Variants in CPNE3 observed in about 807,000 individuals in gnomAD.
CPNE3 encodes copine 3, also known as copine-3.
CPNE3 carries 68 observed loss-of-function variants against 63.9 expected under a neutral mutation model. That is an observed-to-expected ratio of 1.06 (90% CI 0.87 to 1.30). CPNE3 has a LOEUF of 1.30. CPNE3 is among the 50% of genes most tolerant of loss of function. The pLI, the probability that CPNE3 is intolerant of heterozygous loss-of-function variation, is 0.00. For synonymous variants in CPNE3, 219 were observed against 197.5 expected, an observed-to-expected ratio of 1.11 and a Z score of -0.91; for missense variants, 665 against 578.1, an observed-to-expected ratio of 1.15 and a Z score of -1.54.
rs531629272 is a variant in CPNE3, at chr8:86,540,248, G to C, written c.547G>C (p.Val183Leu). Residue 183 changes from valine (V) to leucine (L), a missense_variant, in exon 8 of 17, where the codon GTT (valine) becomes CTT (leucine). Transcript: ENST00000517490. ...NWLMVHRTEVVKNNLNPVWRP... is the reference protein window; with the variant it reads ...NWLMVHRTEVLKNNLNPVWRP... Reference sequence around the variant, plus strand: ...TTTTGAAACCACATTTTTATAGGTTGTTAAAAACAACTTGAATCCTGTTTG... The same window carrying C: ...TTTTGAAACCACATTTTTATAGGTTCTTAAAAACAACTTGAATCCTGTTTG... 5.6e-6 allele frequency: 9 copies of C among 1,604,530 alleles called. No homozygotes were observed. The highest frequency in any genetic ancestry group is 5.4e-5 in the African/African-American group (4 of 74,668).
Position 86,558,427 on chromosome 8 carries a change from C to A in CPNE3, c.*17C>A, listed in dbSNP as rs1468854414. 2.3e-6 allele frequency: 2 copies of A among 872,770 alleles called. No individual in the cohort carries two copies. The highest frequency in any genetic ancestry group is 4.0e-6 in the Non-Finnish European group (2 of 501,518). The allele number at this position is 872,770 out of a possible 1,614,324, so 54.1% of individuals were successfully genotyped here. ...AAGCAGTGACCACTTCAACAGAATT[C>A]TTTTGTGTTATGTGGAGCAATGCCA... On this transcript the variant is annotated 3_prime_UTR_variant, in exon 17 of 17. Transcript: ENST00000517490.
At chr8:86,547,595 C>CTTTTAAA (rs1821080910) in intron 10 of CPNE3, 116 bp from the exon 11 acceptor site, 2 of 642,696 alleles carry the variant, frequency 3.1e-6, no homozygotes, top group East Asian at 5.8e-5. Context: ...GGGTAATTTC[C>CTTTTAAA]ATGTTTATAT....
rs1442355185 is a variant in CPNE3, at chr8:86,559,765, A to G, written c.*1355A>G. On this transcript the variant is annotated 3_prime_UTR_variant, in exon 17 of 17. Coordinates refer to ENST00000517490, the MANE Select transcript of CPNE3 (RefSeq NM_003909.5). ...AGGGCCTATGTGCTAAAAACTATGC[A>G]TATCTATATATTGGCCAATTATCTT... The G allele has an allele frequency of 2.0e-5, 3 of 152,202 alleles. No individual in the cohort carries two copies. The highest frequency in any genetic ancestry group is 7.2e-5 in the African/African-American group (3 of 41,440). 9.4% of individuals were successfully genotyped at this position (152,202 alleles called of 1,614,324 possible).
chr8:86,537,966 G>GTCTCTC (rs72165946), intron 7 of CPNE3, among the ~76,000 whole-genome samples: 1 of 142,868 alleles, frequency 7.0e-6, no homozygotes, highest in African/African-American at 2.5e-5. Context: ...GTCCCTCTCT[G>GTCTCTC]TCTCTCTCTC....
intron 7 of CPNE3, among the ~76,000 whole-genome samples, chr8:86,538,268 A>G (rs553388580): frequency 1.3e-5 from 2 of 152,246 alleles, no homozygotes; most frequent in East Asian, 3.9e-4. Context: ...CCAGCTACTC[A>G]GGAAACTGAG....
chr8:86,535,616 C>T (rs1308668405), intron 6 of CPNE3, among the ~76,000 whole-genome samples: 1 of 151,848 alleles, frequency 6.6e-6, no homozygotes. Context: ...TACAGTGAGC[C>T]GGGATCGTAC....
At chr8:86,531,579 C>A (rs2131448276) in intron 5 of CPNE3, among the ~76,000 whole-genome samples, 1 of 152,124 alleles carries the variant, frequency 6.6e-6, no homozygotes, top group Non-Finnish European at 1.5e-5. Flanking sequence ...GGAACATAGT[C>A]CTCTCAACAT....
intron 14 of CPNE3, among the ~76,000 whole-genome samples, chr8:86,553,558 A>G (rs1413065518): frequency 6.6e-6 from 1 of 152,188 alleles, no homozygotes; most frequent in Non-Finnish European, 1.5e-5. Context: ...TAGGAGTAAT[A>G]GGCTATACCA....
chr8:86,527,725 T>TG (rs1247949523), intron 2 of CPNE3, among the ~76,000 whole-genome samples: 1 of 151,874 alleles, frequency 6.6e-6, no homozygotes. Flanking sequence ...TATTGGGAGC[T>TG]GGGGGTAGAG....
intron 10 of CPNE3, 90 bp from the exon 11 acceptor site, chr8:86,547,621 T>C (rs1821081961): frequency 1.4e-6 from 1 of 706,880 alleles, no homozygotes; most frequent in South Asian, 1.6e-5. Context: ...CCTGTTCAAT[T>C]TACAGACTTT....
intron 2 of CPNE3, among the ~76,000 whole-genome samples, chr8:86,520,966 G>A (rs1404632439): frequency 6.6e-6 from 1 of 151,906 alleles, no homozygotes; most frequent in African/African-American, 2.4e-5. Flanking sequence ...TTTGTTTTAT[G>A]TATATTTATG....
chr8:86,556,006 GA>G, intron 15 of CPNE3, 95 bp from the exon 16 acceptor site: 1 of 744,448 alleles, frequency 1.3e-6, no homozygotes. Flanking sequence ...GACTGGCAAG[GA>G]AAATGAACAA....
At position 86,528,669 on chromosome 8, in the gene CPNE3, T is replaced by C; in HGVS notation, c.124T>C (p.Trp42Arg). The C allele has an allele frequency of 1.9e-6, 3 of 1,611,582 alleles. No homozygotes were observed. Among genetic ancestry groups the C allele is most frequent in the South Asian group, 1.1e-5 (1 of 90,638 alleles). Residue 42 changes from tryptophan to arginine, a missense_variant, in exon 3 of 17, where the codon TGG (tryptophan) becomes CGG (arginine). By Grantham distance (101) the Trp-to-Arg change is moderately radical (BLOSUM62 -3). Transcript: ENST00000517490. Reference protein sequence around the residue: ...VLFLNTSGQQWYEVERTERIK... With the variant: ...VLFLNTSGQQRYEVERTERIK... The stretch of plus-strand genomic sequence containing the variant: ...GTTTTTGAATACAAGTGGTCAACAG[T>C]GGTATGAGGTAATGTCAAATACTTT...
chr8:86,551,701 T>G (rs1204784402), intron 14 of CPNE3, among the ~76,000 whole-genome samples: 1 of 152,248 alleles, frequency 6.6e-6, no homozygotes, highest in African/African-American at 2.4e-5. Context: ...TACTTGTTGC[T>G]CACACAGTAT....
chr8:86,547,422 C>T (rs1821076100), intron 10 of CPNE3: 2 of 269,716 alleles, frequency 7.4e-6, no homozygotes, highest in East Asian at 9.1e-5. Flanking sequence ...TTTTTAAAGC[C>T]CTCAACATAT....
chr8:86,522,497 G>A (rs1820455396), intron 2 of CPNE3, among the ~76,000 whole-genome samples: 1 of 147,350 alleles, frequency 6.8e-6, no homozygotes, highest in African/African-American at 2.5e-5. Context: ...TGGGAACTCT[G>A]AGGAGCATAG....
chr8:86,546,338 T>C (rs1821050056), intron 9 of CPNE3, among the ~76,000 whole-genome samples: 1 of 152,130 alleles, frequency 6.6e-6, no homozygotes, highest in Non-Finnish European at 1.5e-5. Flanking sequence ...GGAAATTACC[T>C]GCAGAGGTAA....
chr8:86,527,586 G>T (rs1295288257), intron 2 of CPNE3, among the ~76,000 whole-genome samples: 1 of 152,138 alleles, frequency 6.6e-6, no homozygotes, highest in Non-Finnish European at 1.5e-5. Flanking sequence ...ATCATCCAAG[G>T]AACTGATGTC....
chr8:86,550,377 A>G (rs1358745377), intron 12 of CPNE3, among the ~76,000 whole-genome samples: 1 of 152,154 alleles, frequency 6.6e-6, no homozygotes, highest in Admixed American at 6.6e-5. Flanking sequence ...GCCTGGGGGA[A>G]ATATTTCTGA....
Sources: gnomAD v4.1 joint callset for allele counts (sites outside exome capture counted in the v4.1 genomes callset) on GRCh38, gnomAD v4.1.1 for gene constraint, MANE v1.5 for transcripts, NCBI Gene and HGNC (gene_info 2026-07-23, HGNC 2026-07-21) for gene names.